ST8SIA4: variants seen among roughly 807,000 people sequenced by gnomAD.
The protein encoded by ST8SIA4 is ST8 alpha-N-acetyl-neuraminide alpha-2,8-sialyltransferase 4, also known as CMP-N-acetylneuraminate-poly-alpha-2,8-sialyltransferase.
ST8SIA4 carries 15 observed loss-of-function variants against 33.9 expected under a neutral mutation model. The observed-to-expected ratio is 0.44, with a 90% CI of 0.30 to 0.68. The LOEUF (loss-of-function observed/expected upper bound fraction) is 0.68, where lower values mean the gene tolerates loss of function less well. Among genes scored for constraint, ST8SIA4 ranks in the 30% least tolerant of loss-of-function variants. ST8SIA4 has a pLI of 0.10. For synonymous variants in ST8SIA4, 171 were observed against 151.2 expected, an observed-to-expected ratio of 1.13 and a Z score of -0.96; for missense variants, 321 against 428.0, an observed-to-expected ratio of 0.75 and a Z score of 2.21.
chr5:100,826,179 A>G (rs932462548), intron 4 of ST8SIA4, among the ~76,000 whole-genome samples: 14 of 152,122 alleles, frequency 9.2e-5, no homozygotes, highest in Non-Finnish European at 1.6e-4. Context: ...TTGGAACTAT[A>G]TGGCAATGCT....
At chr5:100,872,352 T>G (rs1268646262) in intron 3 of ST8SIA4, among the ~76,000 whole-genome samples, 9 of 152,100 alleles carry the variant, frequency 5.9e-5, no homozygotes, top group Non-Finnish European at 2.9e-5. Flanking sequence ...ATTGAAAATT[T>G]TTTTCTTGTA....
chr5:100,825,239 A>T (rs1307776733), intron 4 of ST8SIA4, among the ~76,000 whole-genome samples: 1 of 152,154 alleles, frequency 6.6e-6, no homozygotes, highest in Non-Finnish European at 1.5e-5. Context: ...AATATTGCTA[A>T]AGATAGACAT....
intron 4 of ST8SIA4, among the ~76,000 whole-genome samples, chr5:100,822,757 G>A (rs1303414648): frequency 6.6e-6 from 1 of 152,136 alleles, no homozygotes; most frequent in East Asian, 1.9e-4. Context: ...CATTCCAGAC[G>A]ATTAGGCATT....
intron 2 of ST8SIA4, chr5:100,890,650 T>G (rs181901410): frequency 1.3e-5 from 2 of 151,952 alleles, no homozygotes; most frequent in Non-Finnish European, 2.9e-5. Context: ...TGTGCATGAC[T>G]CAAAAGAACA....
intron 4 of ST8SIA4, among the ~76,000 whole-genome samples, chr5:100,813,551 A>G (rs1220949480): frequency 2.0e-5 from 3 of 152,012 alleles, no homozygotes; most frequent in African/African-American, 7.2e-5. Context: ...TCATAACTCA[A>G]AGTAACTGAA....
chr5:100,900,277 C>T (rs1030468377), intron 1 of ST8SIA4: 22 of 374,226 alleles, frequency 5.9e-5, no homozygotes, highest in African/African-American at 4.4e-4. Context: ...CCACAAGGCT[C>T]GCAGTGCCCC....
chr5:100,818,860 G>A (rs1750983537), intron 4 of ST8SIA4, among the ~76,000 whole-genome samples: 1 of 152,140 alleles, frequency 6.6e-6, no homozygotes, highest in Non-Finnish European at 1.5e-5. Context: ...ACCGATGTAT[G>A]TTATCTGACG....
At chr5:100,835,754 C>A (rs114745938) in intron 4 of ST8SIA4, among the ~76,000 whole-genome samples, 2,554 of 152,252 alleles carry the variant, frequency 0.017, 29 homozygotes, top group Admixed American at 0.025. Flanking sequence ...TTGGAATGGA[C>A]CTATCCCCAC....
intron 4 of ST8SIA4, among the ~76,000 whole-genome samples, chr5:100,848,720 T>C (rs1029538286): frequency 6.6e-6 from 1 of 150,672 alleles, no homozygotes; most frequent in Non-Finnish European, 1.5e-5. Context: ...ACTTCAGATA[T>C]AGGTTTTCCA....
chr5:100,826,430 G>A (rs1751145129), intron 4 of ST8SIA4, among the ~76,000 whole-genome samples: 2 of 152,104 alleles, frequency 1.3e-5, no homozygotes, highest in Admixed American at 1.3e-4. Flanking sequence ...TTCATAATCT[G>A]CCAGTGATGA....
chr5:100,836,746 A>T (rs1181682232), intron 4 of ST8SIA4, among the ~76,000 whole-genome samples: 11 of 152,044 alleles, frequency 7.2e-5, no homozygotes, highest in Admixed American at 1.3e-4. Flanking sequence ...CATAATTTTT[A>T]AATTCTAAAA....
intron 4 of ST8SIA4, among the ~76,000 whole-genome samples, chr5:100,826,096 C>T (rs2112409291): frequency 6.7e-6 from 1 of 149,118 alleles, no homozygotes; most frequent in East Asian, 2.0e-4. Flanking sequence ...CACAGGCAAC[C>T]TGATGAACTT....
At chr5:100,901,037 C>T (rs919255977) in intron 1 of ST8SIA4, among the ~76,000 whole-genome samples, 7 of 152,250 alleles carry the variant, frequency 4.6e-5, no homozygotes, top group African/African-American at 7.2e-5. Flanking sequence ...CGCGCCAGTG[C>T]CCGCCTCCTC....
In ST8SIA4 at chr5:100,903,039, G is replaced by C. The variant is rs1345994450; in HGVS notation, c.-84C>G. On this transcript the variant is annotated 5_prime_UTR_variant, in exon 1 of 5. Transcript: ENST00000231461. ...GGCTCCGTTTTGGGGAGATAGTCGC[G>C]GGGGTGAAATCTGTAAAATGCGAGG... 8.2e-6 allele frequency: 8 copies of C among 976,978 alleles called. No individual in the cohort carries two copies. Among genetic ancestry groups the C allele is most frequent in the Non-Finnish European group, 1.3e-5 (8 of 617,550 alleles). 60.5% of individuals were successfully genotyped at this position (976,978 alleles called of 1,614,324 possible).
intron 4 of ST8SIA4, among the ~76,000 whole-genome samples, chr5:100,829,105 A>C (rs956040612): frequency 6.6e-6 from 1 of 152,162 alleles, no homozygotes; most frequent in African/African-American, 2.4e-5. Flanking sequence ...TGCGCATAGG[A>C]GCATCAGTGT....
chr5:100,878,835 T>G (rs971233228), intron 3 of ST8SIA4, among the ~76,000 whole-genome samples: 2 of 152,184 alleles, frequency 1.3e-5, no homozygotes, highest in Non-Finnish European at 2.9e-5. Context: ...TCTAAAGTGT[T>G]CATTAGAAAA....
chr5:100,896,103 TACACA>T (rs1218050324), intron 1 of ST8SIA4, among the ~76,000 whole-genome samples: 2 of 152,078 alleles, frequency 1.3e-5, no homozygotes, highest in Non-Finnish European at 2.9e-5. Context: ...TCTGGGCATA[TACACA>T]AAGGAATTGA....
At chr5:100,813,187 G>A (rs2112394476) in intron 4 of ST8SIA4, among the ~76,000 whole-genome samples, 1 of 151,538 alleles carries the variant, frequency 6.6e-6, no homozygotes, top group African/African-American at 2.4e-5. Flanking sequence ...ACTTTCCAGG[G>A]GAGATAAAAT....
chr5:100,881,949 T>C (rs779582635), intron 3 of ST8SIA4, among the ~76,000 whole-genome samples: 4 of 152,150 alleles, frequency 2.6e-5, no homozygotes, highest in South Asian at 2.1e-4. Flanking sequence ...CTCTTTTTCT[T>C]CCCAGTCTCA....
Sources: gnomAD v4.1 joint callset for allele counts (sites outside exome capture counted in the v4.1 genomes callset) on GRCh38, gnomAD v4.1.1 for gene constraint, MANE v1.5 for transcripts, NCBI Gene and HGNC (gene_info 2026-07-23, HGNC 2026-07-21) for gene names.